The following ARB2A variants were observed in gnomAD, a reference collection of about 807,000 sequenced individuals.
ARB2A encodes the protein cotranscriptional regulator ARB2A.
the ARB2A span, chr5:93,805,575 T>C: frequency 3.0e-6 from 3 of 984,998 alleles, no homozygotes; most frequent in Non-Finnish European, 3.6e-6. Flanking sequence ...TCCTGATAAT[T>C]ACACAGAGGT....
At chr5:93,798,834 C>T in the ARB2A span, among the ~76,000 whole-genome samples, 1 of 152,114 alleles carries the variant, frequency 6.6e-6, no homozygotes, top group African/African-American at 2.4e-5. Flanking sequence ...TATGTCCTAG[C>T]ACTTTCCTTC....
At chr5:93,928,825 A>C in the ARB2A span, among the ~76,000 whole-genome samples, 1 of 152,098 alleles carries the variant, frequency 6.6e-6, no homozygotes, top group African/African-American at 2.4e-5. Flanking sequence ...ATACACTACC[A>C]ATAAAAACTG....
At chr5:93,975,324 A>AAG in the ARB2A span, among the ~76,000 whole-genome samples, 1 of 151,078 alleles carries the variant, frequency 6.6e-6, no homozygotes, top group African/African-American at 2.4e-5. Flanking sequence ...CTCAAAAAAA[A>AAG]AAAAAAAAAA....
chr5:93,936,051 G>T, the ARB2A span, among the ~76,000 whole-genome samples: 1 of 152,090 alleles, frequency 6.6e-6, no homozygotes, highest in Non-Finnish European at 1.5e-5. Flanking sequence ...TTTTTATCAT[G>T]CTTGAACATG....
chr5:93,648,871 G>C, the ARB2A span, among the ~76,000 whole-genome samples: 20 of 152,090 alleles, frequency 1.3e-4, no homozygotes, highest in Non-Finnish European at 2.2e-4. Flanking sequence ...TAGACTACTA[G>C]AATTTCAGAT....
chr5:93,938,562 T>C, the ARB2A span, among the ~76,000 whole-genome samples: 4 of 152,304 alleles, frequency 2.6e-5, no homozygotes, highest in African/African-American at 9.6e-5. Context: ...TAAGCAAGCA[T>C]GAAAAAGCAA....
the ARB2A span, among the ~76,000 whole-genome samples, chr5:93,930,872 A>T: frequency 6.6e-6 from 1 of 152,156 alleles, no homozygotes; most frequent in Non-Finnish European, 1.5e-5. Flanking sequence ...CAGAACGTGT[A>T]GGTTTGTTAC....
At chr5:93,878,655 T>G in the ARB2A span, among the ~76,000 whole-genome samples, 1 of 152,028 alleles carries the variant, frequency 6.6e-6, no homozygotes, top group South Asian at 2.1e-4. Context: ...ATAGAAATAC[T>G]TACATTTATA....
chr5:93,726,668 T>C, the ARB2A span, among the ~76,000 whole-genome samples: 1 of 152,070 alleles, frequency 6.6e-6, no homozygotes, highest in Admixed American at 6.6e-5. Context: ...AATCAATACT[T>C]TTTCTTTTTT....
the ARB2A span, among the ~76,000 whole-genome samples, chr5:93,655,350 C>A: frequency 6.6e-6 from 1 of 152,136 alleles, no homozygotes; most frequent in Non-Finnish European, 1.5e-5. Context: ...GTATAGGACA[C>A]CTTCACAGTT....
the ARB2A span, among the ~76,000 whole-genome samples, chr5:93,875,387 A>G: frequency 6.6e-6 from 1 of 152,200 alleles, no homozygotes; most frequent in East Asian, 1.9e-4. Context: ...GCCCACCACC[A>G]TGCCTGGCTA....
chr5:94,109,954 G>A, the ARB2A span, among the ~76,000 whole-genome samples: 5 of 148,402 alleles, frequency 3.4e-5, no homozygotes, highest in South Asian at 2.1e-4. Flanking sequence ...GCATGATGTC[G>A]GCTCACTGCA....
chr5:93,771,658 C>A, the ARB2A span, among the ~76,000 whole-genome samples: 2 of 152,194 alleles, frequency 1.3e-5, no homozygotes, highest in Admixed American at 6.5e-5. Flanking sequence ...TATGAACAGA[C>A]ACTTCTCAAA....
chr5:93,910,629 T>C, the ARB2A span: 2 of 151,366 alleles, frequency 1.3e-5, no homozygotes, highest in Admixed American at 6.6e-5. Context: ...TGATCCGAAA[T>C]AGAACATGAT....
At chr5:93,845,090 T>G in the ARB2A span, among the ~76,000 whole-genome samples, 1 of 152,168 alleles carries the variant, frequency 6.6e-6, no homozygotes, top group Non-Finnish European at 1.5e-5. Context: ...TGAAAAGCTG[T>G]TTTTCAAAAC....
At chr5:93,798,779 T>C in the ARB2A span, among the ~76,000 whole-genome samples, 1 of 152,126 alleles carries the variant, frequency 6.6e-6, no homozygotes, top group East Asian at 1.9e-4. Flanking sequence ...CACTCTATGC[T>C]ACAGTGCACT....
the ARB2A span, among the ~76,000 whole-genome samples, chr5:93,710,959 A>T: frequency 6.6e-6 from 1 of 152,210 alleles, no homozygotes; most frequent in Non-Finnish European, 1.5e-5. Flanking sequence ...TGCAGATAAA[A>T]GTCACACACT....
At chr5:93,906,770 T>A in the ARB2A span, among the ~76,000 whole-genome samples, 43 of 151,502 alleles carry the variant, frequency 2.8e-4, no homozygotes, top group Non-Finnish European at 5.3e-4. Flanking sequence ...CCAAAAAGAC[T>A]CTGCTAAGTT....
the ARB2A span, among the ~76,000 whole-genome samples, chr5:93,718,027 G>T: frequency 9.9e-5 from 15 of 151,708 alleles, no homozygotes; most frequent in South Asian, 2.1e-4. Context: ...TAGAGACGGG[G>T]TTTCACCATG....
Sources: gnomAD v4.1 joint callset for allele counts (sites outside exome capture counted in the v4.1 genomes callset) on GRCh38, gnomAD v4.1.1 for gene constraint, MANE v1.5 for transcripts, NCBI Gene and HGNC (gene_info 2026-07-23, HGNC 2026-07-21) for gene names.